Variants in AGGF1 observed in about 807,000 individuals in gnomAD.
AGGF1 encodes angiogenic factor with G-patch and FHA domains 1.
Under a neutral mutation model 86.5 loss-of-function variants are expected in AGGF1, and 56 were observed. The observed-to-expected ratio is 0.65, with a 90% CI of 0.52 to 0.81. The LOEUF is 0.81. Among genes scored for constraint, AGGF1 ranks in the 30% least tolerant of loss-of-function variants. The pLI, the probability that AGGF1 is intolerant of heterozygous loss-of-function variation, is 0.00. For synonymous variants in AGGF1, 313 were observed against 297.1 expected (o/e 1.05, Z -0.55); for missense variants, 816 against 850.9 (o/e 0.96, Z 0.51).
chr5:77,062,077 G>C (rs903900087), intron 13 of AGGF1, among the ~76,000 whole-genome samples: 3 of 152,136 alleles, frequency 2.0e-5, no homozygotes, highest in African/African-American at 7.2e-5. Context: ...CTGTGTTTTA[G>C]AGTCATTTTT....
chr5:77,033,002 G>A (rs1161745637), intron 1 of AGGF1, among the ~76,000 whole-genome samples: 1 of 152,178 alleles, frequency 6.6e-6, no homozygotes, highest in Non-Finnish European at 1.5e-5. Context: ...CTAAACTGCA[G>A]CAGAAGCGAA....
intron 10 of AGGF1, 62 bp downstream of exon 10, chr5:77,054,192 A>T: frequency 6.3e-7 from 1 of 1,592,902 alleles, no homozygotes; most frequent in Non-Finnish European, 8.6e-7. Context: ...TAAATGTTCT[A>T]AAAAACATCA....
chr5:77,049,656 C>A (rs989201904), intron 8 of AGGF1, among the ~76,000 whole-genome samples: 5 of 150,840 alleles, frequency 3.3e-5, no homozygotes, highest in Non-Finnish European at 7.4e-5. Flanking sequence ...TTCAAGCAAT[C>A]CTCCCGCCTC....
Position 77,035,669 on chromosome 5 carries a change from G to T in AGGF1, c.442G>T (p.Asp148Tyr). The T allele has an allele frequency of 1.2e-6, 2 of 1,613,656 alleles. No individual in the cohort carries two copies. The highest frequency in any genetic ancestry group is 1.3e-5 in the African/African-American group (1 of 75,018). The change falls in exon 3 of 14, where the codon GAT (aspartate) becomes TAT (tyrosine). Residue 148 changes from aspartate to tyrosine, a missense_variant. By Grantham distance (160) the Asp-to-Tyr change is radical. Transcript: ENST00000312916. ...NSKDHLQVEN[D>Y]AYPGTDRTEN... ...TAAAGACCATTTACAAGTAGAAAAT[G>T]ATGCTTACCCTGGTACCGATAGAAC... is the stretch of plus-strand genomic sequence containing the variant.
At chr5:77,042,019 C>T (rs903507974) in intron 5 of AGGF1, among the ~76,000 whole-genome samples, 3 of 150,778 alleles carry the variant, frequency 2.0e-5, no homozygotes, top group African/African-American at 7.3e-5. Flanking sequence ...TGACTCTTAA[C>T]GAGCATGCTG....
intron 8 of AGGF1, among the ~76,000 whole-genome samples, chr5:77,050,685 A>G (rs977798932): frequency 1.3e-5 from 2 of 152,212 alleles, no homozygotes; most frequent in African/African-American, 4.8e-5. Flanking sequence ...AATGGTAAAA[A>G]TTACAAAGGA....
rs1747609375 is a variant in AGGF1, at chr5:77,063,645, A to G, written c.*393A>G. On this transcript the variant is annotated 3_prime_UTR_variant, in exon 14 of 14. Coordinates refer to ENST00000312916, the MANE Select transcript of AGGF1 (RefSeq NM_018046.5). Reference sequence around the variant, plus strand: ...ACAACAAAAGAAACATCAGAAGTTTATAAAAATAAATCTGACTATATGCAT... The same window carrying G: ...ACAACAAAAGAAACATCAGAAGTTTGTAAAAATAAATCTGACTATATGCAT... The G allele has an allele frequency of 5.1e-6, 1 of 197,734 alleles. No homozygotes were observed. The highest frequency in any genetic ancestry group is 5.4e-5 in the Admixed American group (1 of 18,460). 12.2% of individuals were successfully genotyped at this position (197,734 alleles called of 1,614,324 possible).
intron 12 of AGGF1, 116 bp downstream of exon 12, chr5:77,059,859 T>G: frequency 7.3e-7 from 1 of 1,361,826 alleles, no homozygotes; most frequent in Non-Finnish European, 1.0e-6. Flanking sequence ...TGTTTATTTA[T>G]GAGATGGAGT....
At position 77,046,482 on chromosome 5, in the gene AGGF1, C is replaced by G. The variant is rs762272284; in HGVS notation, c.1006C>G (p.Pro336Ala). ...AAATAGTCCCCCCAAAGTCACTGTTCCAACTAGTGGAAATACTATAGAGTC... is the reference window on the plus strand; with the variant it reads ...AAATAGTCCCCCCAAAGTCACTGTTGCAACTAGTGGAAATACTATAGAGTC... ...HKNSPPKVTV[P>A]TSGNTIESPL... Residue 336 changes from proline to alanine, a missense_variant, in exon 6 of 14, where the codon CCA (proline) becomes GCA (alanine). Physicochemically the swap from Pro to Ala is conservative, Grantham distance 27. Coordinates refer to ENST00000312916, the MANE Select transcript of AGGF1 (RefSeq NM_018046.5). 1.2e-6 allele frequency: 2 copies of G among 1,614,000 alleles called. No individual in the cohort carries two copies. The highest frequency in any genetic ancestry group is 2.2e-5 in the East Asian group (1 of 44,854).
chr5:77,041,158 A>G (rs1457358094), intron 5 of AGGF1, among the ~76,000 whole-genome samples: 4 of 152,212 alleles, frequency 2.6e-5, no homozygotes, highest in South Asian at 2.1e-4. Flanking sequence ...TTTGTGAACA[A>G]TACTTAGGAA....
rs1746814781 is a variant in AGGF1 at position 77,030,428 on chromosome 5, G to T, written c.-339G>T. 2 of 519,296 alleles carry T rather than the reference G, an allele frequency of 3.9e-6. No individual in the cohort carries two copies. Among genetic ancestry groups the T allele is most frequent in the South Asian group, 1.5e-5 (1 of 65,170 alleles). The allele number at this position is 519,296 out of a possible 1,614,324, so 32.2% of individuals were successfully genotyped here. On this transcript the variant is annotated 5_prime_UTR_variant, in exon 1 of 14. Coordinates refer to ENST00000312916, the MANE Select transcript of AGGF1 (RefSeq NM_018046.5). ...CGCCGTTGTTTCCGGCTCAACTGGGGAGCTGCTGGAGCTCTTCTGGCCTCT... is the reference window on the plus strand; with the variant it reads ...CGCCGTTGTTTCCGGCTCAACTGGGTAGCTGCTGGAGCTCTTCTGGCCTCT...
intron 8 of AGGF1, among the ~76,000 whole-genome samples, chr5:77,050,990 C>T (rs1747363845): frequency 6.6e-6 from 1 of 152,094 alleles, no homozygotes; most frequent in Non-Finnish European, 1.5e-5. Context: ...AAATATCACT[C>T]CTTTTGGGAA....
chr5:77,031,121 C>G, intron 1 of AGGF1, 145 bp downstream of exon 1: 1 of 877,662 alleles, frequency 1.1e-6, no homozygotes, highest in South Asian at 1.5e-5. Context: ...AGCGCAGTTA[C>G]AATTCCAAGT....
At chr5:77,059,866 G>A in intron 12 of AGGF1, 123 bp downstream of exon 12, 1 of 1,316,872 alleles carries the variant, frequency 7.6e-7, no homozygotes, top group East Asian at 2.5e-5. Flanking sequence ...TTATGAGATG[G>A]AGTCTTGCTC....
chr5:77,052,912 A>C, intron 9 of AGGF1, 105 bp downstream of exon 9: 1 of 932,382 alleles, frequency 1.1e-6, no homozygotes, highest in Non-Finnish European at 1.7e-6. Context: ...AGTAGAGTTA[A>C]GCCCAAATGT....
chr5:77,049,034 T>A (rs748244321), intron 8 of AGGF1, 47 bp downstream of exon 8: 2 of 1,558,618 alleles, frequency 1.3e-6, no homozygotes, highest in Non-Finnish European at 1.8e-6. Flanking sequence ...TGTAATTTTT[T>A]ATATTATTAT....
rs769268319 is a variant in AGGF1, at chr5:77,052,844, AT to A, written c.1467+42del. Reference sequence around the variant, plus strand: ...TGTGTTAATTTGTTACCTGCACATTATTTTTAAACTGATTTTTTTTTATTTC... The same window carrying A: ...TGTGTTAATTTGTTACCTGCACATTATTTTAAACTGATTTTTTTTTATTTC... On this transcript the variant is annotated intron_variant, in intron 9 of 13. Transcript: ENST00000312916. The A allele has an allele frequency of 3.0e-5, 45 of 1,488,622 alleles. No individual in the cohort carries two copies. The Middle Eastern group carries it at 6.8e-4, about 23-fold the overall frequency. The allele number at this position is 1,488,622 out of a possible 1,614,324, so 92.2% of individuals were successfully genotyped here. A position where few individuals can be genotyped will look rare whatever the true frequency, so the allele number is the denominator to read the frequency against.
At chr5:77,052,865 T>A (rs970550186) in intron 9 of AGGF1, 58 bp downstream of exon 9, 3 of 1,378,668 alleles carry the variant, frequency 2.2e-6, no homozygotes, top group African/African-American at 2.9e-5. Flanking sequence ...GATTTTTTTT[T>A]ATTTCTGAAG....
chr5:77,046,765 A>C lies in AGGF1; in HGVS notation c.1201+88A>C. ...ATTAAAAATGTTAGTGAGTTGTAGT[A>C]TATCTGCCAGAAAGTAAACATTATT... On this transcript the variant is annotated intron_variant, in intron 6 of 13. Transcript: ENST00000312916. 1.1e-5 allele frequency: 13 copies of C among 1,224,868 alleles called. 1 individual carries two copies. The South Asian group carries it at 1.6e-4, about 15-fold the overall frequency. 75.9% of individuals were successfully genotyped at this position (1,224,868 alleles called of 1,614,324 possible).
Sources: gnomAD v4.1 joint callset for allele counts (sites outside exome capture counted in the v4.1 genomes callset) on GRCh38, gnomAD v4.1.1 for gene constraint, MANE v1.5 for transcripts, NCBI Gene and HGNC (gene_info 2026-07-23, HGNC 2026-07-21) for gene names.